The following PLXNA4 variants were observed in gnomAD, a reference collection of about 807,000 sequenced individuals.
The protein encoded by PLXNA4 is plexin-A4.
In PLXNA4, 44 loss-of-function variants were observed where a neutral mutation model predicts 191.8. The observed-to-expected ratio is 0.23, with a 90% CI of 0.18 to 0.29. The LOEUF is 0.29. Among genes scored for constraint, PLXNA4 ranks in the 10% least tolerant of loss-of-function variants. The pLI, the probability that PLXNA4 is intolerant of heterozygous loss-of-function variation, is 1.00. For missense variants in PLXNA4, 1,800 were observed against 2,488.8 expected (o/e 0.72, Z 5.89); for synonymous variants, 1,082 against 1,009.5 (o/e 1.07, Z -1.36).
intron 2 of PLXNA4, among the ~76,000 whole-genome samples, chr7:132,603,811 CTG>C (rs1802865846): frequency 6.6e-6 from 1 of 152,154 alleles, no homozygotes; most frequent in South Asian, 2.1e-4. Context: ...ATTTTAAAAA[CTG>C]TATCACACTG....
At chr7:132,226,081 G>A in intron 8 of PLXNA4, 80 bp downstream of exon 8, 1 of 1,339,750 alleles carries the variant, frequency 7.5e-7, no homozygotes, top group Non-Finnish European at 1.1e-6. Context: ...TGACTCCCTG[G>A]GAATAGTGAT....
intron 2 of PLXNA4, among the ~76,000 whole-genome samples, chr7:132,639,101 A>G (rs1056262668): frequency 2.8e-4 from 43 of 152,152 alleles, no homozygotes; most frequent in Non-Finnish European, 4.0e-4. Flanking sequence ...CCAAGGATGG[A>G]CTGAGAACAC....
At chr7:132,136,574 AC>A (rs1425246401) in intron 30 of PLXNA4, among the ~76,000 whole-genome samples, 2 of 151,958 alleles carry the variant, frequency 1.3e-5, no homozygotes, top group Non-Finnish European at 2.9e-5. Context: ...AAAGATCAGC[AC>A]CCCACAGAGC....
intron 4 of PLXNA4, among the ~76,000 whole-genome samples, chr7:132,273,657 C>A (rs1380330959): frequency 1.3e-5 from 2 of 152,152 alleles, no homozygotes; most frequent in African/African-American, 4.8e-5. Flanking sequence ...CTAGGACTCC[C>A]TACTTGAGTT....
chr7:132,580,516 G>A (rs1354184026), upstream of PLXNA4, among the ~76,000 whole-genome samples: 3 of 152,118 alleles, frequency 2.0e-5, no homozygotes, highest in Admixed American at 6.5e-5. Flanking sequence ...AAGCTAAATG[G>A]CACATTGCTT....
At chr7:132,378,138 CAT>C (rs1438833067) in intron 3 of PLXNA4, among the ~76,000 whole-genome samples, 1 of 152,172 alleles carries the variant, frequency 6.6e-6, no homozygotes, top group African/African-American at 2.4e-5. Flanking sequence ...GTGAGAAACA[CAT>C]ATGTTATTCT....
intron 23 of PLXNA4, 74 bp from the exon 24 acceptor site, chr7:132,164,362 A>G (rs1181118231): frequency 2.0e-5 from 31 of 1,569,778 alleles, no homozygotes; most frequent in Non-Finnish European, 2.6e-5. Flanking sequence ...TGCTTCTCCA[A>G]AGGGCTGCTT....
intron 3 of PLXNA4, among the ~76,000 whole-genome samples, chr7:132,447,825 T>TAA (rs55973151): frequency 6.7e-5 from 10 of 149,796 alleles, no homozygotes; most frequent in Admixed American, 2.0e-4. Flanking sequence ...CACCTGTACT[T>TAA]AAAAAAAAAA....
chr7:132,442,476 A>T (rs374676861), intron 3 of PLXNA4, among the ~76,000 whole-genome samples: 1 of 152,092 alleles, frequency 6.6e-6, no homozygotes, highest in African/African-American at 2.4e-5. Flanking sequence ...ATGCCTCAAG[A>T]TTCTTACTTT....
intron 5 of PLXNA4, among the ~76,000 whole-genome samples, chr7:132,237,087 C>T (rs781456403): frequency 1.6e-4 from 24 of 152,228 alleles, no homozygotes; most frequent in Admixed American, 5.9e-4. Flanking sequence ...GGATTACAAG[C>T]GTGTTTGTCT....
At chr7:132,514,305 C>T (rs1798855259) in intron 1 of PLXNA4, among the ~76,000 whole-genome samples, 1 of 152,128 alleles carries the variant, frequency 6.6e-6, no homozygotes. Flanking sequence ...CCCGCCTCGG[C>T]CTCCCAAAGT....
At chr7:132,620,932 C>A (rs143082370) in intron 2 of PLXNA4, among the ~76,000 whole-genome samples, 1 of 152,244 alleles carries the variant, frequency 6.6e-6, no homozygotes, top group Non-Finnish European at 1.5e-5. Flanking sequence ...TAAAGGCCTG[C>A]TTCTTGGTTT....
intron 1 of PLXNA4, chr7:132,648,445 C>T (rs1469076110): frequency 6.6e-6 from 1 of 152,254 alleles, no homozygotes; most frequent in African/African-American, 2.4e-5. Context: ...TTCACACTCT[C>T]AACAGTAATG....
intron 3 of PLXNA4, among the ~76,000 whole-genome samples, chr7:132,460,670 T>C (rs1209193882): frequency 6.6e-6 from 1 of 152,164 alleles, no homozygotes; most frequent in Admixed American, 6.5e-5. Context: ...GTATATGTGG[T>C]CACAGCCTCT....
At chr7:132,406,486 C>T (rs1008605696) in intron 3 of PLXNA4, among the ~76,000 whole-genome samples, 13 of 152,116 alleles carry the variant, frequency 8.5e-5, no homozygotes, top group African/African-American at 2.9e-4. Flanking sequence ...TATGGGAAAC[C>T]CAGGAGCCTC....
intron 2 of PLXNA4, among the ~76,000 whole-genome samples, chr7:132,503,327 C>T (rs1443109033): frequency 6.6e-6 from 1 of 152,178 alleles, no homozygotes; most frequent in Non-Finnish European, 1.5e-5. Flanking sequence ...TTTCACCATT[C>T]ATTAGTTTAT....
intron 3 of PLXNA4, among the ~76,000 whole-genome samples, chr7:132,359,656 A>G (rs1585033622): frequency 6.6e-6 from 1 of 152,114 alleles, no homozygotes; most frequent in Admixed American, 6.6e-5. Context: ...GATCTCTCCC[A>G]CCCTGGCCAC....
intron 4 of PLXNA4, among the ~76,000 whole-genome samples, chr7:132,263,587 C>T (rs1554402400): frequency 6.6e-6 from 1 of 152,224 alleles, no homozygotes; most frequent in Non-Finnish European, 1.5e-5. Context: ...GCGGAGCTGA[C>T]ACTTACAACC....
chr7:132,559,627 A>ATC (rs973397668), intron 1 of PLXNA4, among the ~76,000 whole-genome samples: 2 of 152,148 alleles, frequency 1.3e-5, no homozygotes, highest in African/African-American at 2.4e-5. Flanking sequence ...AGTTGAGCAT[A>ATC]TCTCTCTCTC....
Sources: allele counts gnomAD v4.1 joint callset (sites outside exome capture counted in the v4.1 genomes callset), GRCh38; gene constraint gnomAD v4.1.1; transcripts MANE v1.5; gene names NCBI Gene and HGNC (gene_info 2026-07-23, HGNC 2026-07-21).